Variants in RGS12 observed in about 807,000 individuals in gnomAD.
RGS12 encodes regulator of G-protein signaling 12.
A neutral mutation model predicts 120.1 loss-of-function variants in RGS12; 66 were observed. That is an observed-to-expected ratio of 0.55 (90% CI 0.45 to 0.67). RGS12 has a LOEUF of 0.67. Among genes scored for constraint, RGS12 ranks in the 30% least tolerant of loss-of-function variants. RGS12 has a pLI of 0.00. For missense variants in RGS12, 1,859 were observed against 1,957.7 expected, an observed-to-expected ratio of 0.95 and a Z score of 0.95; for synonymous variants, 827 against 804.7, an observed-to-expected ratio of 1.03 and a Z score of -0.47.
chr4:3,350,779 G>A lies in RGS12; in HGVS notation c.1998+7726G>A, dbSNP rs567861674. The stretch of plus-strand genomic sequence containing the variant: ...TACTATATATTTTACATGAGTGCTT[G>A]TTTAAGCCAATCCAAATAGAATTTC... On this transcript the variant is annotated intron_variant, in intron 3 of 17. Coordinates refer to ENST00000336727, the MANE Select transcript of RGS12 (RefSeq NM_001394154.1). Among the ~76,000 whole-genome samples the A allele has an allele frequency of 1.9e-3, 294 of 152,318 alleles. 3 individuals are homozygous for A. The highest frequency in any genetic ancestry group is 6.9e-3 in the African/African-American group (288 of 41,566).
intron 3 of RGS12, 40 bp from the exon 4 acceptor site, chr4:3,386,376 G>A (rs756709818): frequency 6.9e-6 from 11 of 1,601,502 alleles, no homozygotes; most frequent in Non-Finnish European, 6.8e-6. Context: ...GTTTTGTCAT[G>A]AGGCTTAATT....
intron 2 of RGS12, among the ~76,000 whole-genome samples, chr4:3,320,002 CAGG>C (rs1725072970): frequency 6.6e-6 from 1 of 152,240 alleles, no homozygotes. Context: ...TCTTTGGAAT[CAGG>C]AGATTCCTCA....
intron 4 of RGS12, 144 bp from the exon 5 acceptor site, chr4:3,413,928 G>A (rs575918407): frequency 5.4e-5 from 41 of 761,658 alleles, no homozygotes; most frequent in African/African-American, 5.2e-4. Flanking sequence ...GGTGGTAGGT[G>A]TGCTGTGCAT....
chr4:3,302,242 CCT>C (rs1469267595), intron 1 of RGS12, among the ~76,000 whole-genome samples: 1 of 152,138 alleles, frequency 6.6e-6, no homozygotes, highest in African/African-American at 2.4e-5. Flanking sequence ...CTCCGTGTGT[CCT>C]GTTCACTTTT....
At chr4:3,347,593 T>C (rs549661349) in intron 3 of RGS12, among the ~76,000 whole-genome samples, 200 of 152,368 alleles carry the variant, frequency 1.3e-3, no homozygotes, top group Admixed American at 2.5e-3. Flanking sequence ...TCTTGATAAG[T>C]AGTTTCACAA....
intron 4 of RGS12, among the ~76,000 whole-genome samples, chr4:3,410,812 G>T (rs900807578): frequency 6.6e-6 from 1 of 152,160 alleles, no homozygotes; most frequent in African/African-American, 2.4e-5. Flanking sequence ...CTCCTACCTG[G>T]TGGCTGCCTG....
At chr4:3,430,092 C>T (rs1057033012) in intron 16 of RGS12, among the ~76,000 whole-genome samples, 2 of 152,234 alleles carry the variant, frequency 1.3e-5, no homozygotes, top group African/African-American at 4.8e-5. Context: ...CCACAGTTTC[C>T]TACTCAGACG....
intron 2 of RGS12, chr4:3,342,505 T>A (rs1396750615): frequency 2.3e-6 from 3 of 1,290,672 alleles, no homozygotes; most frequent in Non-Finnish European, 3.0e-6. Flanking sequence ...TACAAAATTA[T>A]GAAAAAGCAC....
chr4:3,313,184 G>C (rs1353019209), intron 1 of RGS12: 1 of 152,268 alleles, frequency 6.6e-6, no homozygotes, highest in African/African-American at 2.4e-5. Context: ...GGACTGCATA[G>C]AAGACATTGT....
At chr4:3,415,887 C>G (rs989701605) in intron 6 of RGS12, 91 bp from the exon 7 acceptor site, 14 of 1,408,704 alleles carry the variant, frequency 9.9e-6, no homozygotes, top group Non-Finnish European at 1.3e-5. Context: ...GAGAACACAT[C>G]TGTAGAGCCC....
chr4:3,360,405 T>G (rs1373467973), intron 3 of RGS12, among the ~76,000 whole-genome samples: 3 of 152,082 alleles, frequency 2.0e-5, no homozygotes, highest in Non-Finnish European at 4.4e-5. Context: ...TCTTCTAGCT[T>G]TGGGTTTCGT....
intron 6 of RGS12, among the ~76,000 whole-genome samples, chr4:3,415,431 G>A (rs1222039859): frequency 6.6e-6 from 1 of 152,232 alleles, no homozygotes; most frequent in South Asian, 2.1e-4. Flanking sequence ...CAGTGTGCTG[G>A]AATTCTGAGG....
At chr4:3,301,678 G>A (rs1369229014) in intron 1 of RGS12, among the ~76,000 whole-genome samples, 1 of 151,548 alleles carries the variant, frequency 6.6e-6, no homozygotes, top group Non-Finnish European at 1.5e-5. Flanking sequence ...TGGAGAGTGA[G>A]GCCGGGGTCT....
chr4:3,334,874 A>C (rs761950905), intron 2 of RGS12, among the ~76,000 whole-genome samples: 1 of 152,170 alleles, frequency 6.6e-6, no homozygotes, highest in African/African-American at 2.4e-5. Context: ...TGACTGGCAC[A>C]TTGAGTCTTG....
chr4:3,360,409 G>A (rs1429708530), intron 3 of RGS12, among the ~76,000 whole-genome samples: 1 of 151,530 alleles, frequency 6.6e-6, no homozygotes, highest in Non-Finnish European at 1.5e-5. Flanking sequence ...CTAGCTTTGG[G>A]TTTCGTTTTT....
intron 13 of RGS12, 29 bp from the exon 14 acceptor site, chr4:3,425,435 A>C (rs748398300): frequency 6.3e-6 from 10 of 1,575,300 alleles, no homozygotes; most frequent in Non-Finnish European, 8.7e-6. Context: ...CAGTCTGGGT[A>C]AATTATTCAG....
intron 3 of RGS12, 200 bp from the exon 4 acceptor site, chr4:3,386,216 G>T: frequency 1.6e-6 from 1 of 610,292 alleles, no homozygotes; most frequent in South Asian, 2.1e-5. Context: ...CTCTTGTTGG[G>T]TGTCACCTAG....
At chr4:3,424,688 G>A (rs984889656) in intron 13 of RGS12, among the ~76,000 whole-genome samples, 1 of 152,248 alleles carries the variant, frequency 6.6e-6, no homozygotes, top group Non-Finnish European at 1.5e-5. Context: ...AGGCTGTGGG[G>A]GCTATGGAGG....
rs970939274 is a variant in RGS12, at chr4:3,364,597, C to T, written c.1998+21544C>T. 1.7e-4 allele frequency among the ~76,000 whole-genome samples: 26 copies of T among 152,082 alleles called. 1 individual carries two copies. Among genetic ancestry groups the T allele is most frequent in the African/African-American group, 5.8e-4 (24 of 41,492 alleles). Reference sequence around the variant, plus strand: ...GAGGCCAGGTGATGTGGGGAGTGCCCGACGCTCAGAGGGAGCCAGGGCAGG... The same window carrying T: ...GAGGCCAGGTGATGTGGGGAGTGCCTGACGCTCAGAGGGAGCCAGGGCAGG... On this transcript the variant is annotated intron_variant, in intron 3 of 17. Transcript: ENST00000336727.
Sources: allele counts gnomAD v4.1 joint callset (sites outside exome capture counted in the v4.1 genomes callset), GRCh38; gene constraint gnomAD v4.1.1; transcripts MANE v1.5; gene names NCBI Gene and HGNC (gene_info 2026-07-23, HGNC 2026-07-21).